Variants in ADCY8 observed in about 807,000 individuals in gnomAD.
ADCY8 encodes the protein adenylate cyclase type 8.
ADCY8 carries 51 observed loss-of-function variants against 119.7 expected under a neutral mutation model. The ratio of observed to expected loss-of-function variants is 0.43; its 90% confidence interval spans 0.34 to 0.54. ADCY8 has a LOEUF of 0.54. Among genes scored for constraint, ADCY8 ranks in the 20% least tolerant of loss-of-function variants. The probability of loss-of-function intolerance (pLI) is 0.03; values close to 1 mark genes in which losing one functional copy is unlikely to be tolerated. For synonymous variants in ADCY8, 665 were observed against 651.0 expected (o/e 1.02, Z -0.33); for missense variants, 1,383 against 1,598.8 (o/e 0.87, Z 2.30).
intron 5 of ADCY8, among the ~76,000 whole-genome samples, chr8:130,927,373 T>C (rs1338015175): frequency 6.6e-6 from 1 of 152,202 alleles, no homozygotes; most frequent in Admixed American, 6.5e-5. Flanking sequence ...AAAATATACC[T>C]GTTGGCTTGT....
intron 2 of ADCY8, among the ~76,000 whole-genome samples, chr8:130,984,385 CA>C (rs1366254524): frequency 6.6e-6 from 1 of 152,146 alleles, no homozygotes; most frequent in East Asian, 1.9e-4. Flanking sequence ...ATTCCTGCCT[CA>C]CCATCTCAAC....
intron 14 of ADCY8, among the ~76,000 whole-genome samples, chr8:130,811,340 C>T (rs1816158683): frequency 6.6e-6 from 1 of 152,178 alleles, no homozygotes; most frequent in Non-Finnish European, 1.5e-5. Context: ...GGATCACAAA[C>T]CCCAATGCTT....
intron 15 of ADCY8, among the ~76,000 whole-genome samples, chr8:130,789,432 C>G (rs749289359): frequency 6.6e-5 from 10 of 152,078 alleles, no homozygotes; most frequent in Non-Finnish European, 1.3e-4. Context: ...ACCAAGTGGA[C>G]AGTATAATTT....
At chr8:130,906,833 G>A (rs1319799768) in intron 6 of ADCY8, among the ~76,000 whole-genome samples, 1 of 151,190 alleles carries the variant, frequency 6.6e-6, no homozygotes, top group Non-Finnish European at 1.5e-5. Context: ...AGGTGTTACT[G>A]TGTGCCCCAT....
intron 1 of ADCY8, among the ~76,000 whole-genome samples, chr8:131,007,712 T>G (rs959491993): frequency 6.6e-6 from 1 of 152,234 alleles, no homozygotes; most frequent in African/African-American, 2.4e-5. Flanking sequence ...AATCCTGTGA[T>G]AGGGATTTAT....
chr8:130,870,195 G>T (rs530994249), intron 8 of ADCY8, among the ~76,000 whole-genome samples: 1 of 151,808 alleles, frequency 6.6e-6, no homozygotes, highest in South Asian at 2.1e-4. Flanking sequence ...TGTATTTTTA[G>T]TAGAGATGGG....
intron 1 of ADCY8, chr8:130,990,830 T>G (rs1053559727): frequency 1.3e-5 from 3 of 231,850 alleles, no homozygotes; most frequent in African/African-American, 6.8e-5. Context: ...TCTGGTTGGC[T>G]TCTTCACTCC....
rs538360845 is a variant in ADCY8 at position 130,780,334 on chromosome 8, A to G, written c.*56T>C. On this transcript the variant is annotated 3_prime_UTR_variant, in exon 18 of 18. Coordinates refer to ENST00000286355, the MANE Select transcript of ADCY8 (RefSeq NM_001115.3). ...AAAAAAATTAAACCTTTTTATTAGT[A>G]TATTTATTTTATATATAAAAGAAAT... 116 of 1,198,412 alleles carry G rather than the reference A, an allele frequency of 9.7e-5. 1 individual carries two copies. In the African/African-American group the frequency reaches 1.8e-3, roughly 19 times the overall value. 74.2% of individuals were successfully genotyped at this position (1,198,412 alleles called of 1,614,324 possible). A position where few individuals can be genotyped will look rare whatever the true frequency, so the allele number is the denominator to read the frequency against.
At chr8:130,917,616 C>T (rs1035378063) in intron 5 of ADCY8, among the ~76,000 whole-genome samples, 1 of 152,130 alleles carries the variant, frequency 6.6e-6, no homozygotes, top group African/African-American at 2.4e-5. Context: ...ACAATAGAGA[C>T]CAAGTCAGGA....
Position 130,964,916 on chromosome 8 carries a change from G to T in ADCY8, c.1111-12918C>A, listed in dbSNP as rs371295312. Among the ~76,000 whole-genome samples the T allele has an allele frequency of 6.6e-5, 10 of 152,180 alleles. No individual in the cohort carries two copies. In the South Asian group the frequency reaches 2.1e-3, roughly 32 times the overall value. ...TTGTGGTTTTGTATTGCATTTCTCTGGTGATTAGTGATGCTGAGCATTTTT... is the reference window on the plus strand; with the variant it reads ...TTGTGGTTTTGTATTGCATTTCTCTTGTGATTAGTGATGCTGAGCATTTTT... On this transcript the variant is annotated intron_variant, in intron 2 of 17. Transcript: ENST00000286355.
At chr8:130,949,749 C>G (rs1821216533) in intron 3 of ADCY8, 1 of 152,226 alleles carries the variant, frequency 6.6e-6, no homozygotes, top group South Asian at 2.1e-4. Context: ...CTTTTATGAT[C>G]TCTTGGCATT....
Position 130,943,468 on chromosome 8 carries a change from CA to C in ADCY8, c.1242-7del. 1 of 1,095,256 alleles carries C rather than the reference CA, an allele frequency of 9.1e-7. No individual in the cohort carries two copies. The highest frequency in any genetic ancestry group is 1.3e-6 in the Non-Finnish European group (1 of 774,624). 67.8% of individuals were successfully genotyped at this position (1,095,256 alleles called of 1,614,324 possible). A position where few individuals can be genotyped will look rare whatever the true frequency, so the allele number is the denominator to read the frequency against. ...TAACATCTGCAAAAAGAATACTAAA[CA>C]CAGGGAAGAGGGTGGGGGTGGGGGG... is the stretch of plus-strand genomic sequence containing the variant. On this transcript the variant is annotated splice_region_variant and splice_polypyrimidine_tract_variant and intron_variant, in intron 3 of 17. Transcript: ENST00000286355.
At chr8:130,782,005 G>A (rs920264555) in intron 17 of ADCY8, among the ~76,000 whole-genome samples, 1 of 152,140 alleles carries the variant, frequency 6.6e-6, no homozygotes, top group African/African-American at 2.4e-5. Context: ...TTTTACAAAT[G>A]TAATATAATA....
intron 4 of ADCY8, among the ~76,000 whole-genome samples, chr8:130,937,892 A>G (rs1219050731): frequency 6.6e-6 from 1 of 152,176 alleles, no homozygotes; most frequent in East Asian, 1.9e-4. Context: ...CAACCCTCTA[A>G]GGTGGGTTGT....
intron 5 of ADCY8, among the ~76,000 whole-genome samples, chr8:130,918,847 G>A (rs1180036977): frequency 1.3e-5 from 2 of 152,200 alleles, no homozygotes; most frequent in Non-Finnish European, 2.9e-5. Context: ...GATCGCCTGA[G>A]GTCAGGAGTT....
intron 2 of ADCY8, among the ~76,000 whole-genome samples, chr8:130,960,038 G>A (rs1039407907): frequency 3.3e-5 from 5 of 152,068 alleles, no homozygotes; most frequent in African/African-American, 1.2e-4. Context: ...ATAGAGGGAA[G>A]GAAGAATGAA....
At chr8:130,910,251 C>A (rs1819939429) in intron 5 of ADCY8, among the ~76,000 whole-genome samples, 1 of 152,140 alleles carries the variant, frequency 6.6e-6, no homozygotes. Context: ...CTCTTTGAAA[C>A]CTTCCTCCAA....
At chr8:130,942,148 T>C (rs1586591349) in intron 4 of ADCY8, among the ~76,000 whole-genome samples, 1 of 152,358 alleles carries the variant, frequency 6.6e-6, no homozygotes, top group South Asian at 2.1e-4. Flanking sequence ...TAGGATGTCT[T>C]GTAAATGGAG....
intron 8 of ADCY8, among the ~76,000 whole-genome samples, chr8:130,868,767 A>G (rs1251725232): frequency 1.3e-5 from 2 of 152,234 alleles, no homozygotes; most frequent in African/African-American, 2.4e-5. Flanking sequence ...AGAGAGGACT[A>G]GTAGCAGGCA....
Sources: allele counts gnomAD v4.1 joint callset (sites outside exome capture counted in the v4.1 genomes callset), GRCh38; gene constraint gnomAD v4.1.1; transcripts MANE v1.5; gene names NCBI Gene and HGNC (gene_info 2026-07-23, HGNC 2026-07-21).